The following POC1A variants were observed in gnomAD, a reference collection of about 807,000 sequenced individuals.
POC1A encodes the protein POC1 centriolar protein homolog A.
Under a neutral mutation model 47.8 loss-of-function variants are expected in POC1A, and 34 were observed. That is an observed-to-expected ratio of 0.71 (90% CI 0.54 to 0.95). The LOEUF (loss-of-function observed/expected upper bound fraction) is 0.95, where lower values mean the gene tolerates loss of function less well. POC1A is among the 40% of genes least tolerant of loss of function. The pLI is 0.00. For missense variants in POC1A, 466 were observed against 528.3 expected (o/e 0.88, Z 1.16); for synonymous variants, 177 against 207.6 (o/e 0.85, Z 1.27).
intron 7 of POC1A, 46 bp from the exon 8 acceptor site, chr3:52,125,227 A>C: frequency 7.0e-7 from 1 of 1,437,148 alleles, no homozygotes; most frequent in Non-Finnish European, 9.8e-7. Flanking sequence ...GTCATTCTCC[A>C]TTCTAAATGC....
chr3:52,084,643 G>C lies in POC1A; in HGVS notation c.1126-8658C>G, dbSNP rs1367100511. On this transcript the variant is annotated intron_variant, in intron 10 of 10. Transcript: ENST00000296484. The surrounding 1 kb of genome is among the most constrained non-coding windows in gnomAD (Gnocchi z 4.3). The stretch of plus-strand genomic sequence containing the variant: ...TCTCCAAGTGCAGGCTTCACTCGAG[G>C]CTTCCCCAGTCCATCCCCCTGCCCC... Among the ~76,000 whole-genome samples, 13 of 152,224 alleles carry C rather than the reference G, an allele frequency of 8.5e-5. No homozygotes were observed. The highest frequency in any genetic ancestry group is 7.3e-5 in the Non-Finnish European group (5 of 68,038).
At position 52,137,314 on chromosome 3, in the gene POC1A, C is replaced by T. The variant is rs185027144; in HGVS notation, c.813+855G>A. Among the ~76,000 whole-genome samples the T allele has an allele frequency of 2.6e-3, 403 of 152,202 alleles. 1 individual carries two copies. The highest frequency in any genetic ancestry group is 3.8e-3 in the Admixed American group (58 of 15,282). ...ATGGCAGTGGAAACCCAAACAACAG[C>T]TCAGAAAACACCAGGCTAGACACCT... is the stretch of plus-strand genomic sequence containing the variant. On this transcript the variant is annotated intron_variant, in intron 7 of 10. Coordinates refer to ENST00000296484, the MANE Select transcript of POC1A (RefSeq NM_015426.5).
chr3:52,125,089 T>C, intron 8 of POC1A, 24 bp downstream of exon 8: 1 of 1,553,130 alleles, frequency 6.4e-7, no homozygotes, highest in Non-Finnish European at 8.9e-7. Flanking sequence ...TCTTCACCAT[T>C]CCATTCGACT....
intron 7 of POC1A, among the ~76,000 whole-genome samples, chr3:52,132,992 G>A (rs553708162): frequency 1.3e-5 from 2 of 151,968 alleles, no homozygotes; most frequent in East Asian, 3.9e-4. Flanking sequence ...GTTGCAGTGA[G>A]CCGAGTTCAC....
chr3:52,125,016 G>A (rs760644195), intron 8 of POC1A, 97 bp downstream of exon 8: 70 of 970,166 alleles, frequency 7.2e-5, no homozygotes, highest in Non-Finnish European at 1.0e-4. Context: ...GGAAGCTGGC[G>A]AAACCCAGCC....
chr3:52,082,188 G>A (rs906289684), intron 10 of POC1A, among the ~76,000 whole-genome samples: 1 of 152,138 alleles, frequency 6.6e-6, no homozygotes, highest in Admixed American at 6.5e-5. Context: ...GAAGGAAGAG[G>A]GGGGAGTGGG....
At chr3:52,119,633 C>T (rs933521001) in intron 9 of POC1A, among the ~76,000 whole-genome samples, 18 of 152,068 alleles carry the variant, frequency 1.2e-4, no homozygotes, top group Admixed American at 5.9e-4. Flanking sequence ...TAGGCACAAG[C>T]GATCCTCTAG....
intron 1 of POC1A, among the ~76,000 whole-genome samples, chr3:52,153,129 C>G (rs995782120): frequency 3.3e-5 from 5 of 152,200 alleles, no homozygotes; most frequent in African/African-American, 1.2e-4. Flanking sequence ...GTACTAAAAA[C>G]TACTGAAATG....
intron 9 of POC1A, 131 bp from the exon 10 acceptor site, chr3:52,096,843 T>C (rs1048449575): frequency 1.3e-6 from 1 of 789,802 alleles, no homozygotes; most frequent in African/African-American, 1.8e-5. Flanking sequence ...CAAGTGTCAG[T>C]AAGAAACAGC....
At chr3:52,152,266 C>A (rs1698581349) in intron 1 of POC1A, among the ~76,000 whole-genome samples, 2 of 152,024 alleles carry the variant, frequency 1.3e-5, no homozygotes, top group Non-Finnish European at 2.9e-5. Flanking sequence ...CAGAGCAAGA[C>A]CCTGACTAAA....
intron 6 of POC1A, among the ~76,000 whole-genome samples, chr3:52,140,895 G>A (rs944756117): frequency 6.6e-6 from 1 of 152,242 alleles, no homozygotes; most frequent in Non-Finnish European, 1.5e-5. Flanking sequence ...TCCCATGAGG[G>A]CATGAGCCTT....
rs1246087053 is a variant in POC1A, at chr3:52,075,226, T to C, written c.*661A>G. 6.6e-6 allele frequency: 1 copy of C among 152,306 alleles called. No homozygotes were observed. Among genetic ancestry groups the C allele is most frequent in the Non-Finnish European group, 1.5e-5 (1 of 68,106 alleles). The allele number at this position is 152,306 out of a possible 1,614,324, so 9.4% of individuals were successfully genotyped here. On this transcript the variant is annotated 3_prime_UTR_variant, in exon 11 of 11. Transcript: ENST00000296484. ...GGATGGGAAGATTGATTAAGTGTCA[T>C]CCAGCATAAGCCACTCCTGCAACAA...
chr3:52,131,681 G>C (rs1460607728), intron 7 of POC1A, among the ~76,000 whole-genome samples: 1 of 152,218 alleles, frequency 6.6e-6, no homozygotes, highest in Non-Finnish European at 1.5e-5. Flanking sequence ...AGCTGGTGGG[G>C]ACACGAGTCT....
At chr3:52,118,621 T>C (rs1703657780) in intron 9 of POC1A, among the ~76,000 whole-genome samples, 1 of 152,002 alleles carries the variant, frequency 6.6e-6, no homozygotes, top group African/African-American at 2.4e-5. Context: ...AGTGGGTAAG[T>C]AAAGTAAGGG....
intron 4 of POC1A, 32 bp downstream of exon 4, chr3:52,149,178 C>T (rs1246786321): frequency 1.2e-6 from 2 of 1,608,384 alleles, no homozygotes; most frequent in East Asian, 4.5e-5. Flanking sequence ...CCCAGGGTTC[C>T]TCCAAGGGTC....
chr3:52,147,924 C>T (rs1698421559), intron 4 of POC1A, among the ~76,000 whole-genome samples: 1 of 151,916 alleles, frequency 6.6e-6, no homozygotes, highest in Non-Finnish European at 1.5e-5. Flanking sequence ...AGAAATTCTT[C>T]CTGACTTAGA....
chr3:52,117,808 AG>A (rs948851639), intron 9 of POC1A, among the ~76,000 whole-genome samples: 2 of 152,102 alleles, frequency 1.3e-5, no homozygotes, highest in African/African-American at 4.8e-5. Context: ...ATTTGGAAGG[AG>A]GGCAAAAATA....
At chr3:52,125,066 G>A in intron 8 of POC1A, 47 bp downstream of exon 8, 3 of 1,421,792 alleles carry the variant, frequency 2.1e-6, no homozygotes, top group Non-Finnish European at 3.0e-6. Context: ...GCAGAAATCA[G>A]CTCAGATTCC....
intron 8 of POC1A, among the ~76,000 whole-genome samples, chr3:52,123,066 C>T (rs1048398954): frequency 6.6e-6 from 1 of 152,220 alleles, no homozygotes; most frequent in Non-Finnish European, 1.5e-5. Context: ...TGCCTCAGTT[C>T]CTGCATCTGC....
Sources: allele counts gnomAD v4.1 joint callset (sites outside exome capture counted in the v4.1 genomes callset), GRCh38; gene constraint gnomAD v4.1.1; non-coding constraint Gnocchi (gnomAD v3.1); transcripts MANE v1.5; gene names NCBI Gene and HGNC (gene_info 2026-07-23, HGNC 2026-07-21).